MRC2: variants seen among roughly 807,000 people sequenced by gnomAD.
MRC2 encodes mannose receptor C-type 2.
In MRC2, 84 loss-of-function variants were observed where a neutral mutation model predicts 206.2. That is an observed-to-expected ratio of 0.41 (90% CI 0.34 to 0.49). The LOEUF is 0.49. Among genes scored for constraint, MRC2 ranks in the 20% least tolerant of loss-of-function variants. MRC2 has a pLI of 0.31. For synonymous variants in MRC2, 798 were observed against 800.0 expected, an observed-to-expected ratio of 1.00 and a Z score of 0.04; for missense variants, 1,676 against 2,001.5, an observed-to-expected ratio of 0.84 and a Z score of 3.10.
At position 62,667,202 on chromosome 17, in the gene MRC2, G is replaced by A. The variant is rs1320720433; in HGVS notation, c.974-188G>A. 6.6e-6 allele frequency among the ~76,000 whole-genome samples: 1 copy of A among 152,186 alleles called. No individual in the cohort carries two copies. Among genetic ancestry groups the A allele is most frequent in the African/African-American group, 2.4e-5 (1 of 41,452 alleles). On this transcript the variant is annotated intron_variant, in intron 5 of 29. Transcript: ENST00000303375. The surrounding 1 kb of genome is among the most constrained non-coding windows in gnomAD (Gnocchi z 4.1). The stretch of plus-strand genomic sequence containing the variant: ...TACTGGGTAGAAGGTTCAAGGCGAC[G>A]TGCACCCAGGTTAGAAAGCGCGGAG...
In MRC2 at chr17:62,655,023, C is replaced by T. The variant is rs183155856; in HGVS notation, c.119-9525C>T. 5.6e-3 allele frequency among the ~76,000 whole-genome samples: 850 copies of T among 152,326 alleles called. 13 individuals are homozygous for T. The highest frequency in any genetic ancestry group is 0.035 in the Admixed American group (532 of 15,310). On this transcript the variant is annotated intron_variant, in intron 1 of 29. Coordinates refer to ENST00000303375, the MANE Select transcript of MRC2 (RefSeq NM_006039.5). ...AGCTGGGGCTGCGTGCGGTGGCTCA[C>T]ACCTGTAATCCCAGCACTTTGGGAG... is the stretch of plus-strand genomic sequence containing the variant.
chr17:62,631,902 G>T (rs1032350436), intron 1 of MRC2, among the ~76,000 whole-genome samples: 1 of 152,198 alleles, frequency 6.6e-6, no homozygotes, highest in Admixed American at 6.5e-5. Context: ...CTGAAGTAGA[G>T]ATGGCCATGG....
chr17:62,682,024 C>A, intron 19 of MRC2, 87 bp downstream of exon 19: 1 of 1,260,372 alleles, frequency 7.9e-7, no homozygotes, highest in Non-Finnish European at 1.1e-6. Flanking sequence ...TCAGTCTGTT[C>A]TCATTCTCTT....
intron 22 of MRC2, 73 bp from the exon 23 acceptor site, chr17:62,688,779 A>T: frequency 1.3e-6 from 2 of 1,586,472 alleles, no homozygotes; most frequent in Non-Finnish European, 1.7e-6. Context: ...CTTTGCTCAC[A>T]TTGCAGCCTT....
Position 62,666,048 on chromosome 17 carries a change from C to T in MRC2, c.521-46C>T. 1 of 1,540,012 alleles carries T rather than the reference C, an allele frequency of 6.5e-7. No individual in the cohort carries two copies. The highest frequency in any genetic ancestry group is 8.8e-7 in the Non-Finnish European group (1 of 1,142,196). On this transcript the variant is annotated intron_variant, in intron 2 of 29. Coordinates refer to ENST00000303375, the MANE Select transcript of MRC2 (RefSeq NM_006039.5). The surrounding 1 kb of genome is among the most constrained non-coding windows in gnomAD (Gnocchi z 5.0). ...TGAGGGTCGAGGGGCTTGGCAGCCT[C>T]TGGTGTCCAGATGCCAAGGGCCTGG...
chr17:62,640,804 C>G (rs1381678802), intron 1 of MRC2, among the ~76,000 whole-genome samples: 2 of 151,914 alleles, frequency 1.3e-5, no homozygotes, highest in Non-Finnish European at 2.9e-5. Context: ...CCTGCCTCAG[C>G]CTCCTGAGTA....
chr17:62,668,389 TA>T (rs529140401), intron 6 of MRC2, among the ~76,000 whole-genome samples: 145 of 132,894 alleles, frequency 1.1e-3, no homozygotes, highest in Non-Finnish European at 1.5e-3. Context: ...TAAATAAATT[TA>T]AAAAAAAAAA....
intron 1 of MRC2, among the ~76,000 whole-genome samples, chr17:62,646,854 G>T (rs1176769409): frequency 6.6e-6 from 1 of 152,156 alleles, no homozygotes; most frequent in Non-Finnish European, 1.5e-5. Context: ...ATTAATTGTA[G>T]CAAATACAAA....
intron 20 of MRC2, among the ~76,000 whole-genome samples, chr17:62,687,691 G>A (rs970258735): frequency 6.6e-6 from 1 of 152,160 alleles, no homozygotes; most frequent in Non-Finnish European, 1.5e-5. Flanking sequence ...GTGTCCTAGG[G>A]CTGGGCGCGG....
At chr17:62,681,773 T>G (rs1361335178) in intron 18 of MRC2, 64 bp from the exon 19 acceptor site, 2 of 1,313,020 alleles carry the variant, frequency 1.5e-6, no homozygotes, top group Non-Finnish European at 2.2e-6. Context: ...CCTTCATTGC[T>G]GCATCCGGTG....
At chr17:62,642,608 G>A (rs1240300803) in intron 1 of MRC2, among the ~76,000 whole-genome samples, 4 of 152,132 alleles carry the variant, frequency 2.6e-5, no homozygotes, top group Admixed American at 6.6e-5. Context: ...CACCATGCCC[G>A]GCTAATTTTT....
Position 62,690,021 on chromosome 17 carries a change from G to A in MRC2, c.3701G>A (p.Cys1234Tyr). ...DVDGAWRTTS[C>Y]DTKLQGAVCG... ...GACGGGGCCTGGCGCACCACCAGCT[G>A]TGACACCAAGCTGCAGGGGGCTGTG... is the stretch of plus-strand genomic sequence containing the variant. Residue 1234 changes from cysteine (C) to tyrosine (Y), a missense_variant, in exon 25 of 30, where the codon TGT (cysteine) becomes TAT (tyrosine). By Grantham distance (194) the Cys-to-Tyr change is radical. Around this residue, in one of 3 missense-constraint regions of MRC2, gnomAD observed 1,354 missense variants for 1,636.6 expected, o/e 0.83. Coordinates refer to ENST00000303375, the MANE Select transcript of MRC2 (RefSeq NM_006039.5). The A allele has an allele frequency of 1.2e-6, 2 of 1,610,420 alleles. No homozygotes were observed. Among genetic ancestry groups the A allele is most frequent in the Non-Finnish European group, 1.7e-6 (2 of 1,178,510 alleles).
chr17:62,678,290 A>G (rs1047628961), intron 12 of MRC2, among the ~76,000 whole-genome samples: 12 of 152,190 alleles, frequency 7.9e-5, no homozygotes, highest in African/African-American at 2.9e-4. Context: ...CCTGCTGGTC[A>G]GGGGATGGGG....
In MRC2 at chr17:62,666,135, A is replaced by G. The variant is rs2088750462; in HGVS notation, c.562A>G (p.Thr188Ala). The G allele has an allele frequency of 6.3e-7, 1 of 1,598,264 alleles. No individual in the cohort carries two copies. The highest frequency in any genetic ancestry group is 8.5e-7 in the Non-Finnish European group (1 of 1,172,246). The change falls in exon 3 of 30, where the codon ACC becomes GCC. Residue 188 changes from threonine (T) to alanine (A), a missense_variant. Thr to Ala is a moderately conservative substitution (Grantham distance 58). Coordinates refer to ENST00000303375, the MANE Select transcript of MRC2 (RefSeq NM_006039.5). This position sits in a 1 kb window ranked among gnomAD's most constrained non-coding sequence, Gnocchi z 5.0. ...IQGNSHGKPC[T>A]IPFKYDNQWF... Reference sequence around the variant, plus strand: ...GGGAAACTCCCACGGAAAGCCGTGCACCATCCCCTTCAAATATGACAACCA... The same window carrying G: ...GGGAAACTCCCACGGAAAGCCGTGCGCCATCCCCTTCAAATATGACAACCA...
At chr17:62,677,186 G>A (rs773987154) in intron 11 of MRC2, 83 bp from the exon 12 acceptor site, 71 of 1,212,026 alleles carry the variant, frequency 5.9e-5, no homozygotes, top group South Asian at 1.8e-4. Flanking sequence ...TGTGAGGGCC[G>A]TGCTAGTGCC....
At chr17:62,644,876 G>T (rs2088456551) in intron 1 of MRC2, among the ~76,000 whole-genome samples, 1 of 151,988 alleles carries the variant, frequency 6.6e-6, no homozygotes, top group Admixed American at 6.6e-5. Flanking sequence ...GTGTCTGCAG[G>T]GAACCACCTG....
At chr17:62,658,970 G>A (rs114479477) in intron 1 of MRC2, among the ~76,000 whole-genome samples, 259 of 152,274 alleles carry the variant, frequency 1.7e-3, no homozygotes, top group African/African-American at 5.9e-3. Flanking sequence ...ACACAATACC[G>A]TTAACAGATG....
At chr17:62,688,241 G>A (rs1297944538) in intron 20 of MRC2, 48 bp from the exon 21 acceptor site, 2 of 1,558,646 alleles carry the variant, frequency 1.3e-6, no homozygotes, top group African/African-American at 2.7e-5. Context: ...CTGGGTTTGT[G>A]GATGGGGTGG....
Position 62,679,792 on chromosome 17 carries a change from T to C in MRC2, c.2196-8T>C, listed in dbSNP as rs1290600890. Reference sequence around the variant, plus strand: ...CTCTTCCGTCCCCACTCCTGGGTTGTGCTGAAGTGAATCAGAACCCGAGAT... The same window carrying C: ...CTCTTCCGTCCCCACTCCTGGGTTGCGCTGAAGTGAATCAGAACCCGAGAT... On this transcript the variant is annotated splice_polypyrimidine_tract_variant and splice_region_variant and intron_variant, in intron 13 of 29. Coordinates refer to ENST00000303375, the MANE Select transcript of MRC2 (RefSeq NM_006039.5). 2 of 1,613,530 alleles carry C rather than the reference T, an allele frequency of 1.2e-6. No homozygotes were observed. Among genetic ancestry groups the C allele is most frequent in the Admixed American group, 3.3e-5 (2 of 59,966 alleles).
Sources: allele counts gnomAD v4.1 joint callset (sites outside exome capture counted in the v4.1 genomes callset), GRCh38; gene constraint gnomAD v4.1.1; regional missense constraint gnomAD v4.1.1; non-coding constraint Gnocchi (gnomAD v3.1); transcripts MANE v1.5; gene names NCBI Gene and HGNC (gene_info 2026-07-23, HGNC 2026-07-21).